The following ACTL6B variants were observed in gnomAD, a reference collection of about 807,000 sequenced individuals.
ACTL6B encodes the protein actin like 6B.
ACTL6B carries 48 observed loss-of-function variants against 63.3 expected under a neutral mutation model. That is an observed-to-expected ratio of 0.76 (90% CI 0.60 to 0.96). The LOEUF (loss-of-function observed/expected upper bound fraction) is 0.96. Ranked by LOEUF, ACTL6B falls within the 50% of genes least tolerant of loss-of-function variation. ACTL6B has a pLI of 0.00. For synonymous variants in ACTL6B, 230 were observed against 223.8 expected (o/e 1.03, Z -0.25); for missense variants, 350 against 572.2 (o/e 0.61, Z 3.96).
chr7:100,643,277 C>A lies in ACTL6B; in HGVS notation c.1250G>T (p.Gly417Val), dbSNP rs1233828100. The A allele has an allele frequency of 6.2e-7, 1 of 1,613,846 alleles. No homozygotes were observed. Among genetic ancestry groups the A allele is most frequent in the Non-Finnish European group, 8.5e-7 (1 of 1,179,996 alleles). Reference sequence around the variant, plus strand: ...GCACTTTCGCTCCACGCACTGCTTCCCGCCCTCCTCATATTCCTGCTTGGA... The same window carrying A: ...GCACTTTCGCTCCACGCACTGCTTCACGCCCTCCTCATATTCCTGCTTGGA... ...WISKQEYEEG[G>V]KQCVERKCP is the part of the protein sequence containing the mutation. Residue 417 changes from glycine (G) to valine (V), a missense_variant, in exon 14 of 14, where the codon GGG becomes GTG. Gly to Val is a moderately radical substitution (Grantham distance 109). This residue lies in a region of ACTL6B where 76 missense variants were observed against 126.1 expected (regional missense o/e 0.60). Transcript: ENST00000160382.
intron 13 of ACTL6B, 61 bp from the exon 14 acceptor site, chr7:100,643,387 G>A (rs1803759572): frequency 1.3e-6 from 2 of 1,572,740 alleles, no homozygotes; most frequent in Non-Finnish European, 1.7e-6. Context: ...GGACAGGCAG[G>A]TGCAGCCCCT....
chr7:100,644,056 C>T (rs1197623934), intron 13 of ACTL6B, among the ~76,000 whole-genome samples: 3 of 152,210 alleles, frequency 2.0e-5, no homozygotes, highest in East Asian at 1.9e-4. Flanking sequence ...CGTGCCAACA[C>T]GCCCGGCTAA....
chr7:100,647,388 GC>G lies in ACTL6B; in HGVS notation c.759+55del. On this transcript the variant is annotated intron_variant, in intron 8 of 13. Coordinates refer to ENST00000160382, the MANE Select transcript of ACTL6B (RefSeq NM_016188.5). This position sits in a 1 kb window ranked among gnomAD's most constrained non-coding sequence, Gnocchi z 4.4. Reference sequence around the variant, plus strand: ...CCCTCCCATGCGGGGCCTCTGTCCCGCCCCCGATTCATGGCAGGGGAGGGGG... The same window carrying G: ...CCCTCCCATGCGGGGCCTCTGTCCCGCCCCGATTCATGGCAGGGGAGGGGG... 1.3e-6 allele frequency: 2 copies of G among 1,595,656 alleles called. No individual in the cohort carries two copies. Among genetic ancestry groups the G allele is most frequent in the South Asian group, 1.1e-5 (1 of 90,536 alleles).
In ACTL6B at chr7:100,648,988, C is replaced by T. The variant is rs1803878252; in HGVS notation, c.468-165G>A. On this transcript the variant is annotated intron_variant, in intron 5 of 13. Transcript: ENST00000160382. This position sits in a 1 kb window ranked among gnomAD's most constrained non-coding sequence, Gnocchi z 4.4. ...CTCCTGGAGAAAGGCTCTGAGACCCCAGTTACTTCTTTTTTTTTTTTTTTG... is the reference window on the plus strand; with the variant it reads ...CTCCTGGAGAAAGGCTCTGAGACCCTAGTTACTTCTTTTTTTTTTTTTTTG... 6.6e-6 allele frequency among the ~76,000 whole-genome samples: 1 copy of T among 150,950 alleles called. No individual in the cohort carries two copies. Among genetic ancestry groups the T allele is most frequent in the Non-Finnish European group, 1.5e-5 (1 of 67,810 alleles).
intron 4 of ACTL6B, among the ~76,000 whole-genome samples, chr7:100,652,785 G>A (rs867140969): frequency 1.3e-5 from 2 of 150,256 alleles, no homozygotes; most frequent in African/African-American, 2.4e-5. Context: ...GGTGGATCAC[G>A]AGGTCAAGAG....
chr7:100,650,145 A>C lies in ACTL6B; in HGVS notation c.370-10T>G. The C allele has an allele frequency of 6.2e-7, 1 of 1,613,350 alleles. No individual in the cohort carries two copies. Among genetic ancestry groups the C allele is most frequent in the Non-Finnish European group, 8.5e-7 (1 of 1,179,702 alleles). On this transcript the variant is annotated splice_polypyrimidine_tract_variant and intron_variant, in intron 4 of 13. Coordinates refer to ENST00000160382, the MANE Select transcript of ACTL6B (RefSeq NM_016188.5). ...TGGCCCGTGTGTTCCACTGTGGAGA[A>C]AGTGCAGAGGGGGAGGATTCAGGAA...
intron 13 of ACTL6B, 115 bp from the exon 14 acceptor site, chr7:100,643,441 C>T (rs2131330912): frequency 1.1e-6 from 1 of 946,846 alleles, no homozygotes; most frequent in South Asian, 1.4e-5. Context: ...GGTTCACATC[C>T]CTCTGAAGCC....
rs117341773 is a variant in ACTL6B, at chr7:100,650,091, G to C, written c.414C>G (p.Phe138Leu). 2 of 1,613,814 alleles carry C rather than the reference G, an allele frequency of 1.2e-6. No individual in the cohort carries two copies. Among genetic ancestry groups the C allele is most frequent in the African/African-American group, 2.7e-5 (2 of 74,918 alleles). The change falls in exon 5 of 14, where the codon TTC becomes TTG. Residue 138 changes from phenylalanine to leucine, a missense_variant. By Grantham distance (22) the Phe-to-Leu change is conservative (BLOSUM62 0). Coordinates refer to ENST00000160382, the MANE Select transcript of ACTL6B (RefSeq NM_016188.5). Reference protein sequence around the residue: ...AKREKLTELMFEQYNIPAFFL... With the variant: ...AKREKLTELMLEQYNIPAFFL... ...AGAAGGCAGGAATGTTGTACTGCTC[G>C]AACATCAGCTCTGTCAGCTTCTCCC...
rs531310197 is a variant in ACTL6B at position 100,649,900 on chromosome 7, G to A, written c.467+138C>T. On this transcript the variant is annotated intron_variant, in intron 5 of 13. Transcript: ENST00000160382. ...TCCACTGGGCCTTCTGCACTAGTGG[G>A]GCAGAGGGAGGTGTCTGCCCATTGG... The A allele has an allele frequency of 3.6e-4, 261 of 719,182 alleles. 1 individual carries two copies. The African/African-American group carries it at 4.3e-3, about 12-fold the overall frequency. The allele number at this position is 719,182 out of a possible 1,614,324, so 44.6% of individuals were successfully genotyped here. A position where few individuals can be genotyped will look rare whatever the true frequency, so the allele number is the denominator to read the frequency against.
chr7:100,654,982 G>A (rs1804010876), intron 4 of ACTL6B, 37 bp downstream of exon 4: 14 of 1,550,120 alleles, frequency 9.0e-6, no homozygotes, highest in Non-Finnish European at 1.2e-5. Flanking sequence ...GTGCAGTGGA[G>A]ATCAGGGTTG....
intron 4 of ACTL6B, among the ~76,000 whole-genome samples, chr7:100,650,634 C>T (rs571506784): frequency 4.7e-4 from 71 of 151,424 alleles, no homozygotes; most frequent in Non-Finnish European, 9.1e-4. Flanking sequence ...CCCAGGAGTT[C>T]GAAACTAGCC....
At position 100,646,318 on chromosome 7, in the gene ACTL6B, G is replaced by C. The variant is rs1803820895; in HGVS notation, c.1131C>G (p.Leu377=). The C allele has an allele frequency of 6.2e-7, 1 of 1,613,964 alleles. No individual in the cohort carries two copies. The highest frequency in any genetic ancestry group is 1.3e-5 in the African/African-American group (1 of 74,928). Residue 377 remains leucine, a synonymous_variant, in exon 13 of 14, where the codon CTC becomes CTG. Coordinates refer to ENST00000160382, the MANE Select transcript of ACTL6B (RefSeq NM_016188.5). The surrounding 1 kb of genome is among the most constrained non-coding windows in gnomAD (Gnocchi z 6.1). ...GCTCCATGGTGCTGTTGCTGGCAATGAGTTTCAGTCGCATGCTCTGGGGGT... is the reference window on the plus strand; with the variant it reads ...GCTCCATGGTGCTGTTGCTGGCAATCAGTTTCAGTCGCATGCTCTGGGGGT... The part of the protein sequence containing the change: ...QKTPPSMRLK[L]IASNSTMERK...
chr7:100,643,301 G>A lies in ACTL6B; in HGVS notation c.1226C>T (p.Ser409Phe), dbSNP rs1562846756. 6.2e-7 allele frequency: 1 copy of A among 1,613,864 alleles called. No homozygotes were observed. Among genetic ancestry groups the A allele is most frequent in the Non-Finnish European group, 8.5e-7 (1 of 1,179,982 alleles). ...SLGTFQQMWI[S>F]KQEYEEGGKQ... ...CCCGCCCTCCTCATATTCCTGCTTG[G>A]AGATCCACATCTGCTGGAAAGTGCC... Residue 409 changes from serine to phenylalanine, a missense_variant, in exon 14 of 14, where the codon TCC (serine) becomes TTC (phenylalanine). Ser to Phe is a radical substitution (Grantham distance 155, BLOSUM62 -2). Around this residue, in one of 3 missense-constraint regions of ACTL6B, gnomAD observed 76 missense variants for 126.1 expected, o/e 0.60. Coordinates refer to ENST00000160382, the MANE Select transcript of ACTL6B (RefSeq NM_016188.5).
chr7:100,655,214 G>T lies in ACTL6B; in HGVS notation c.269-95C>A. The T allele has an allele frequency of 2.4e-6, 3 of 1,247,500 alleles. No homozygotes were observed. The highest frequency in any genetic ancestry group is 2.3e-5 in the East Asian group (1 of 42,742). The allele number at this position is 1,247,500 out of a possible 1,614,324, so 77.3% of individuals were successfully genotyped here. ...GGGAGAAAGGCCAAGCCCAAAGGAG[G>T]GTCAGTGAGTCCAGCTCCAGGGGAA... On this transcript the variant is annotated intron_variant, in intron 3 of 13. Coordinates refer to ENST00000160382, the MANE Select transcript of ACTL6B (RefSeq NM_016188.5). The surrounding 1 kb of genome is among the most constrained non-coding windows in gnomAD (Gnocchi z 4.4).
At chr7:100,656,234 G>C in intron 1 of ACTL6B, 96 bp downstream of exon 1, 1 of 1,297,594 alleles carries the variant, frequency 7.7e-7, no homozygotes, top group East Asian at 3.1e-5. Flanking sequence ...CCGCTCGTGC[G>C]CGGAGGTGAC....
At chr7:100,645,925 C>T (rs1584467403) in intron 13 of ACTL6B, among the ~76,000 whole-genome samples, 1 of 152,188 alleles carries the variant, frequency 6.6e-6, no homozygotes, top group Non-Finnish European at 1.5e-5. Context: ...AGCCACTGTG[C>T]GCAGCCTCTT....
At position 100,647,600 on chromosome 7, in the gene ACTL6B, A is replaced by G; in HGVS notation, c.670-67T>C. The G allele has an allele frequency of 5.7e-6, 7 of 1,236,478 alleles. No homozygotes were observed. The South Asian group carries it at 8.5e-5, about 15-fold the overall frequency. The allele number at this position is 1,236,478 out of a possible 1,614,324, so 76.6% of individuals were successfully genotyped here. ...TGACCCCCACCCCCACCTTCCTGGC[A>G]CTGTTCCCAGCTCTGCAGCTACCTG... On this transcript the variant is annotated intron_variant, in intron 7 of 13. Transcript: ENST00000160382. The surrounding 1 kb of genome is among the most constrained non-coding windows in gnomAD (Gnocchi z 4.4).
chr7:100,650,255 T>C, intron 4 of ACTL6B, 120 bp from the exon 5 acceptor site: 3 of 769,770 alleles, frequency 3.9e-6, no homozygotes, highest in South Asian at 1.5e-5. Context: ...ATCCAAACAC[T>C]TGCACACACA....
chr7:100,645,417 G>A (rs1212600908), intron 13 of ACTL6B, among the ~76,000 whole-genome samples: 1 of 152,008 alleles, frequency 6.6e-6, no homozygotes. Context: ...CTATGACTCC[G>A]GGACAATCAA....
Sources: gnomAD v4.1 joint callset for allele counts (sites outside exome capture counted in the v4.1 genomes callset) on GRCh38, gnomAD v4.1.1 for gene constraint, gnomAD v4.1.1 regional missense constraint, Gnocchi (gnomAD v3.1) non-coding constraint, MANE v1.5 for transcripts, NCBI Gene and HGNC (gene_info 2026-07-23, HGNC 2026-07-21) for gene names.